The following COX7B2 variants were observed in gnomAD, a reference collection of about 807,000 sequenced individuals.
COX7B2 encodes the protein cytochrome c oxidase subunit 7B2, mitochondrial.
For missense variants in COX7B2, 109 were observed against 95.9 expected, an observed-to-expected ratio of 1.14 and a Z score of -0.57; for synonymous variants, 37 against 32.1, an observed-to-expected ratio of 1.15 and a Z score of -0.51.
intron 2 of COX7B2, among the ~76,000 whole-genome samples, chr4:46,763,967 C>T (rs10015595): frequency 0.34 from 50,965 of 151,960 alleles, 8,754 homozygotes; most frequent in South Asian, 0.47. Context: ...AAAACTCTTG[C>T]AGAATGTTAG....
intron 1 of COX7B2, among the ~76,000 whole-genome samples, chr4:46,854,016 T>A (rs1470300080): frequency 6.6e-6 from 1 of 152,152 alleles, no homozygotes; most frequent in African/African-American, 2.4e-5. Flanking sequence ...TAGAACTATT[T>A]TTTAGCCATA....
chr4:46,903,409 C>T (rs542009705), intron 1 of COX7B2, among the ~76,000 whole-genome samples: 11 of 151,868 alleles, frequency 7.2e-5, no homozygotes, highest in African/African-American at 1.2e-4. Flanking sequence ...CAAAAATTCA[C>T]GTCAACTAGT....
intron 2 of COX7B2, among the ~76,000 whole-genome samples, chr4:46,763,732 A>G (rs937799278): frequency 6.6e-6 from 1 of 152,218 alleles, no homozygotes; most frequent in East Asian, 1.9e-4. Flanking sequence ...TGATTAATGG[A>G]CTAAAGACTA....
intron 2 of COX7B2, among the ~76,000 whole-genome samples, chr4:46,785,180 G>A (rs1303438071): frequency 3.3e-5 from 5 of 152,116 alleles, no homozygotes; most frequent in African/African-American, 4.8e-5. Context: ...ATTGTCTCGT[G>A]TACTGACAAA....
intron 2 of COX7B2, among the ~76,000 whole-genome samples, chr4:46,789,322 T>C (rs1717912904): frequency 6.6e-6 from 1 of 152,172 alleles, no homozygotes; most frequent in Non-Finnish European, 1.5e-5. Flanking sequence ...TATGGAATCA[T>C]AGAATATAGA....
intron 2 of COX7B2, among the ~76,000 whole-genome samples, chr4:46,789,495 C>T (rs1266116084): frequency 6.6e-6 from 1 of 151,934 alleles, no homozygotes; most frequent in Non-Finnish European, 1.5e-5. Context: ...ATTGATCTAC[C>T]ACTGCTCACG....
intron 1 of COX7B2, among the ~76,000 whole-genome samples, chr4:46,886,813 T>C (rs1719110886): frequency 2.0e-5 from 3 of 152,174 alleles, no homozygotes; most frequent in Non-Finnish European, 2.9e-5. Context: ...AGATAATAAA[T>C]TGGTGAAACC....
intron 2 of COX7B2, among the ~76,000 whole-genome samples, chr4:46,823,569 T>C (rs1714454601): frequency 6.6e-6 from 1 of 150,886 alleles, no homozygotes; most frequent in Non-Finnish European, 1.5e-5. Context: ...AAAATTTTAA[T>C]ATAAAATACA....
intron 2 of COX7B2, among the ~76,000 whole-genome samples, chr4:46,803,045 C>T (rs1718743774): frequency 6.6e-6 from 1 of 152,138 alleles, no homozygotes; most frequent in African/African-American, 2.4e-5. Flanking sequence ...ACCTCCTTAG[C>T]AACCAGTATC....
intron 2 of COX7B2, among the ~76,000 whole-genome samples, chr4:46,804,040 T>A (rs1351142406): frequency 6.6e-6 from 1 of 152,070 alleles, no homozygotes; most frequent in Non-Finnish European, 1.5e-5. Flanking sequence ...TCGGATGTGT[T>A]TGGAGTTTCT....
chr4:46,821,890 C>CA (rs1056775679), intron 2 of COX7B2, among the ~76,000 whole-genome samples: 7 of 151,866 alleles, frequency 4.6e-5, no homozygotes, highest in Admixed American at 1.3e-4. Flanking sequence ...AGAGGTTATT[C>CA]ATTTTTTTTT....
At chr4:46,773,128 TTCTACTCCAGATAGAAACAAGA>T (rs1459905848) in intron 2 of COX7B2, among the ~76,000 whole-genome samples, 1 of 152,196 alleles carries the variant, frequency 6.6e-6, no homozygotes, top group Non-Finnish European at 1.5e-5. Flanking sequence ...TGATTTTATG[TTCTACTCCAGATAGAAACAAGA>T]AAATAGAAAA....
intron 2 of COX7B2, among the ~76,000 whole-genome samples, chr4:46,747,546 C>T (rs1009981068): frequency 1.3e-5 from 2 of 152,080 alleles, no homozygotes; most frequent in Non-Finnish European, 2.9e-5. Context: ...TCGTGATCCA[C>T]CCGCCTCAGT....
chr4:46,824,763 G>T (rs1453877374), intron 2 of COX7B2, among the ~76,000 whole-genome samples: 2 of 149,580 alleles, frequency 1.3e-5, no homozygotes, highest in African/African-American at 4.9e-5. Context: ...TGCATAAAAA[G>T]AACTAAAGAC....
At chr4:46,786,724 T>G (rs1467596678) in intron 2 of COX7B2, among the ~76,000 whole-genome samples, 1 of 152,150 alleles carries the variant, frequency 6.6e-6, no homozygotes, top group Non-Finnish European at 1.5e-5. Flanking sequence ...CTAAAATCAC[T>G]GACGAGATTA....
At chr4:46,889,749 A>T (rs1474792307) in intron 1 of COX7B2, among the ~76,000 whole-genome samples, 1 of 152,220 alleles carries the variant, frequency 6.6e-6, no homozygotes, top group Non-Finnish European at 1.5e-5. Flanking sequence ...TACTTAGTAC[A>T]GGAACAAAGG....
chr4:46,744,965 C>G (rs2109411110), intron 2 of COX7B2, among the ~76,000 whole-genome samples: 1 of 152,078 alleles, frequency 6.6e-6, no homozygotes, highest in East Asian at 1.9e-4. Flanking sequence ...TTCCTGAGCT[C>G]AGGCAATCTG....
chr4:46,744,792 T>G (rs114426778), intron 2 of COX7B2, among the ~76,000 whole-genome samples: 1,581 of 146,874 alleles, frequency 0.011, 18 homozygotes, highest in Middle Eastern at 0.037. Context: ...ACCTAGGCTG[T>G]AGTGCAGTGG....
intron 2 of COX7B2, among the ~76,000 whole-genome samples, chr4:46,773,448 C>T (rs187007698): frequency 2.0e-5 from 3 of 152,174 alleles, no homozygotes; most frequent in Non-Finnish European, 4.4e-5. Context: ...TTTCTGAGGC[C>T]CCCCCAGTCA....
Sources: allele counts gnomAD v4.1 joint callset (sites outside exome capture counted in the v4.1 genomes callset), GRCh38; gene constraint gnomAD v4.1.1; transcripts MANE v1.5; gene names NCBI Gene and HGNC (gene_info 2026-07-23, HGNC 2026-07-21).